MAP3K5: variants seen among roughly 807,000 people sequenced by gnomAD.
The protein encoded by MAP3K5 is mitogen-activated protein kinase kinase kinase 5.
A neutral mutation model predicts 158.7 loss-of-function variants in MAP3K5; 56 were observed. That is an observed-to-expected ratio of 0.35 (90% confidence interval 0.28 to 0.44). The LOEUF (loss-of-function observed/expected upper bound fraction) is 0.44, where lower values mean the gene tolerates loss of function less well. MAP3K5 is among the 20% of genes least tolerant of loss of function. The pLI, the probability that MAP3K5 is intolerant of heterozygous loss-of-function variation, is 1.00. For synonymous variants in MAP3K5, 579 were observed against 601.7 expected, an observed-to-expected ratio of 0.96 and a Z score of 0.55; for missense variants, 1,294 against 1,674.8, an observed-to-expected ratio of 0.77 and a Z score of 3.97.
chr6:136,621,124 T>C (rs542269759), intron 15 of MAP3K5, among the ~76,000 whole-genome samples: 15 of 152,328 alleles, frequency 9.8e-5, no homozygotes, highest in African/African-American at 3.4e-4. Flanking sequence ...CAGTTTTTTT[T>C]TTCAGTCTTT....
chr6:136,575,161 ATT>A (rs60443578), intron 25 of MAP3K5, among the ~76,000 whole-genome samples: 3,365 of 127,270 alleles, frequency 0.026, 64 homozygotes, highest in East Asian at 0.076. Flanking sequence ...ATACAATACT[ATT>A]TTTTTTTTTT....
chr6:136,699,089 T>C (rs921247759), intron 3 of MAP3K5, among the ~76,000 whole-genome samples: 1 of 152,136 alleles, frequency 6.6e-6, no homozygotes, highest in Non-Finnish European at 1.5e-5. Context: ...TTCCTACATG[T>C]AAGGTGATGC....
chr6:136,591,508 A>C (rs1475800434), intron 23 of MAP3K5, among the ~76,000 whole-genome samples: 1 of 152,258 alleles, frequency 6.6e-6, no homozygotes, highest in Non-Finnish European at 1.5e-5. Flanking sequence ...GTAGAATATT[A>C]GAAGTGTTTT....
At chr6:136,782,974 A>G (rs1784680698) in intron 1 of MAP3K5, among the ~76,000 whole-genome samples, 1 of 152,192 alleles carries the variant, frequency 6.6e-6, no homozygotes, top group Non-Finnish European at 1.5e-5. Context: ...TAGTGTCTCT[A>G]GTCAATACCT....
intron 25 of MAP3K5, among the ~76,000 whole-genome samples, chr6:136,571,974 C>T (rs1371936926): frequency 6.6e-6 from 1 of 152,098 alleles, no homozygotes; most frequent in Admixed American, 6.5e-5. Flanking sequence ...TTCCAAAATC[C>T]CATTTCTTAA....
At chr6:136,619,530 C>G (rs144372870) in intron 15 of MAP3K5, among the ~76,000 whole-genome samples, 11 of 152,276 alleles carry the variant, frequency 7.2e-5, no homozygotes, top group Admixed American at 2.0e-4. Context: ...CAACCTCCCC[C>G]CTTATCAACA....
chr6:136,602,438 G>A (rs773714060), intron 19 of MAP3K5, among the ~76,000 whole-genome samples: 39 of 152,066 alleles, frequency 2.6e-4, no homozygotes, highest in Admixed American at 1.1e-3. Flanking sequence ...GAGGTAGCTC[G>A]GACTACAGGC....
At chr6:136,620,828 T>G (rs932189325) in intron 15 of MAP3K5, among the ~76,000 whole-genome samples, 1 of 152,118 alleles carries the variant, frequency 6.6e-6, no homozygotes, top group African/African-American at 2.4e-5. Context: ...AATCATGAGG[T>G]TGAGAGAAGA....
intron 1 of MAP3K5, among the ~76,000 whole-genome samples, chr6:136,722,896 C>T (rs369764085): frequency 9.9e-5 from 15 of 151,942 alleles, no homozygotes; most frequent in African/African-American, 3.4e-4. Flanking sequence ...CTATGCTGCA[C>T]GGGCTGGTCT....
At chr6:136,686,193 T>C (rs144071577) in intron 7 of MAP3K5, among the ~76,000 whole-genome samples, 76 of 152,278 alleles carry the variant, frequency 5.0e-4, no homozygotes, top group Non-Finnish European at 8.1e-4. Flanking sequence ...TCAGTAAGTG[T>C]CATGTGCAAG....
intron 14 of MAP3K5, among the ~76,000 whole-genome samples, chr6:136,629,696 C>T (rs962919715): frequency 3.9e-5 from 6 of 151,948 alleles, no homozygotes; most frequent in African/African-American, 1.5e-4. Context: ...CCTCATGATC[C>T]ACCCGCCTTG....
chr6:136,705,469 A>AT (rs1341925500), intron 2 of MAP3K5, among the ~76,000 whole-genome samples: 1 of 152,022 alleles, frequency 6.6e-6, no homozygotes, highest in East Asian at 1.9e-4. Context: ...CAACCAGCTA[A>AT]TTTTAGTAAT....
At chr6:136,763,972 C>T (rs1452914765) in intron 1 of MAP3K5, among the ~76,000 whole-genome samples, 1 of 152,154 alleles carries the variant, frequency 6.6e-6, no homozygotes, top group Non-Finnish European at 1.5e-5. Context: ...TCACCAGATG[C>T]GCCCCCTTGA....
chr6:136,572,908 A>G (rs565488484), intron 25 of MAP3K5, among the ~76,000 whole-genome samples: 1 of 152,244 alleles, frequency 6.6e-6, no homozygotes, highest in Non-Finnish European at 1.5e-5. Context: ...CTGAGAGCAC[A>G]TTGAAATATA....
intron 15 of MAP3K5, among the ~76,000 whole-genome samples, chr6:136,620,385 T>G (rs1298444751): frequency 6.6e-6 from 1 of 152,214 alleles, no homozygotes; most frequent in Non-Finnish European, 1.5e-5. Context: ...CACAATATTC[T>G]TTTGTAACAA....
rs575335029 is a variant in MAP3K5, at chr6:136,711,566, C to T, written c.589-6433G>A. Among the ~76,000 whole-genome samples, 138 of 150,896 alleles carry T rather than the reference C, an allele frequency of 9.1e-4. 1 individual carries two copies. The highest frequency in any genetic ancestry group is 1.5e-3 in the Non-Finnish European group (103 of 67,888). On this transcript the variant is annotated intron_variant, in intron 2 of 29. Transcript: ENST00000359015. ...CTATACACCCAGCTACTCAGGAGGT[C>T]GAGATGGGAGGATTGCTTGAACCTG...
At chr6:136,735,246 CTAGA>C (rs1186583636) in intron 1 of MAP3K5, among the ~76,000 whole-genome samples, 1 of 152,082 alleles carries the variant, frequency 6.6e-6, no homozygotes. Flanking sequence ...AACTTAGACT[CTAGA>C]AAATTCTACA....
chr6:136,628,412 GT>G (rs985070917), intron 14 of MAP3K5, among the ~76,000 whole-genome samples: 12 of 146,906 alleles, frequency 8.2e-5, no homozygotes, highest in African/African-American at 2.2e-4. Context: ...ATACTCAGCA[GT>G]TTTTTTTTTT....
At chr6:136,623,552 T>G (rs536692638) in intron 14 of MAP3K5, among the ~76,000 whole-genome samples, 5 of 152,300 alleles carry the variant, frequency 3.3e-5, no homozygotes, top group African/African-American at 1.2e-4. Context: ...AGAGGAAAAT[T>G]TTGATCTCTG....
Sources: allele counts gnomAD v4.1 joint callset (sites outside exome capture counted in the v4.1 genomes callset), GRCh38; gene constraint gnomAD v4.1.1; transcripts MANE v1.5; gene names NCBI Gene and HGNC (gene_info 2026-07-23, HGNC 2026-07-21).